MACROD2: variants seen among roughly 807,000 people sequenced by gnomAD.
MACROD2 encodes the protein mono-ADP ribosylhydrolase 2, also known as ADP-ribose glycohydrolase MACROD2.
A neutral mutation model predicts 70.4 loss-of-function variants in MACROD2; 36 were observed. The ratio of observed to expected loss-of-function variants is 0.51; its 90% CI spans 0.39 to 0.68. MACROD2 has a LOEUF of 0.68. MACROD2 is among the 30% of genes least tolerant of loss of function. MACROD2 has a pLI of 0.00. For missense variants in MACROD2, 496 were observed against 538.4 expected (o/e 0.92, Z 0.78); for synonymous variants, 172 against 178.8 (o/e 0.96, Z 0.30).
chr20:15,120,053 G>A (rs1031705745), intron 5 of MACROD2, among the ~76,000 whole-genome samples: 2 of 152,144 alleles, frequency 1.3e-5, no homozygotes, highest in African/African-American at 4.8e-5. Context: ...ATCAGTAAAC[G>A]CTAATAAAGT....
At chr20:14,499,594 C>G (rs1315759991) in intron 4 of MACROD2, among the ~76,000 whole-genome samples, 3 of 152,000 alleles carry the variant, frequency 2.0e-5, no homozygotes, top group African/African-American at 7.2e-5. Flanking sequence ...GGCGGATAAG[C>G]CTGCTAAAGG....
intron 15 of MACROD2, 149 bp from the exon 16 acceptor site, chr20:16,041,052 G>C (rs1467190597): frequency 2.9e-6 from 2 of 685,326 alleles, no homozygotes; most frequent in South Asian, 3.7e-5. Flanking sequence ...TCAACCCTCT[G>C]TTTCCTCTTT....
intron 5 of MACROD2, among the ~76,000 whole-genome samples, chr20:15,082,396 A>G (rs140099422): frequency 6.6e-6 from 1 of 152,256 alleles, no homozygotes; most frequent in East Asian, 1.9e-4. Flanking sequence ...AAAAGATAAT[A>G]TAGAATGGAT....
At chr20:14,776,846 G>A (rs1263558725) in intron 5 of MACROD2, among the ~76,000 whole-genome samples, 1 of 151,964 alleles carries the variant, frequency 6.6e-6, no homozygotes, top group Non-Finnish European at 1.5e-5. Context: ...CCGCAATGAA[G>A]TGTACCTTGG....
intron 15 of MACROD2, among the ~76,000 whole-genome samples, chr20:16,001,416 T>C (rs2066707086): frequency 6.6e-6 from 1 of 152,224 alleles, no homozygotes; most frequent in Admixed American, 6.5e-5. Context: ...AGCAAGGGGT[T>C]TGGATTGATT....
At chr20:15,232,585 G>T (rs1377099632) in intron 6 of MACROD2, among the ~76,000 whole-genome samples, 1 of 151,990 alleles carries the variant, frequency 6.6e-6, no homozygotes, top group Non-Finnish European at 1.5e-5. Context: ...ATAATTGGAG[G>T]AATGGAATTC....
intron 3 of MACROD2, among the ~76,000 whole-genome samples, chr20:14,412,880 G>C (rs909219553): frequency 1.3e-5 from 2 of 152,214 alleles, no homozygotes; most frequent in Non-Finnish European, 2.9e-5. Flanking sequence ...GAAAAGTCCA[G>C]TGAAGGAGAA....
chr20:15,480,662 A>G (rs983781281), intron 7 of MACROD2, among the ~76,000 whole-genome samples: 24 of 152,006 alleles, frequency 1.6e-4, no homozygotes, highest in Admixed American at 1.6e-3. Context: ...TACCAGGAGG[A>G]TGGGACATTG....
chr20:14,350,319 T>C (rs1429919908), intron 3 of MACROD2, among the ~76,000 whole-genome samples: 1 of 152,098 alleles, frequency 6.6e-6, no homozygotes, highest in Admixed American at 6.6e-5. Context: ...TTCTCCGTAG[T>C]GGTTGTACTA....
chr20:15,883,206 T>C (rs2064779947), intron 9 of MACROD2, among the ~76,000 whole-genome samples: 1 of 152,064 alleles, frequency 6.6e-6, no homozygotes, highest in Admixed American at 6.6e-5. Context: ...TCTTCCTTTA[T>C]TTTTCCCCAG....
At chr20:15,145,842 G>C (rs1233401628) in intron 5 of MACROD2, among the ~76,000 whole-genome samples, 2 of 151,922 alleles carry the variant, frequency 1.3e-5, no homozygotes, top group Non-Finnish European at 2.9e-5. Flanking sequence ...TCATTAAGTG[G>C]GTTTTAAGTA....
At chr20:15,174,580 C>G (rs909710587) in intron 5 of MACROD2, among the ~76,000 whole-genome samples, 13 of 152,094 alleles carry the variant, frequency 8.5e-5, no homozygotes, top group African/African-American at 3.1e-4. Context: ...AATCGCCACA[C>G]TGACTTCCAC....
chr20:15,539,093 G>T (rs1435291336), intron 8 of MACROD2, among the ~76,000 whole-genome samples: 1 of 151,880 alleles, frequency 6.6e-6, no homozygotes, highest in Non-Finnish European at 1.5e-5. Flanking sequence ...TTTTTTCTGA[G>T]TACGTAACTC....
At position 14,938,940 on chromosome 20, in the gene MACROD2, A is replaced by ATTTTTTTTTTTTTTTTT. The variant is rs1230863391; in HGVS notation, c.418+253987_418+254003dup. 3.9e-4 allele frequency among the ~76,000 whole-genome samples: 34 copies of ATTTTTTTTTTTTTTTTT among 86,456 alleles called. 1 individual carries two copies. Among genetic ancestry groups the ATTTTTTTTTTTTTTTTT allele is most frequent in the African/African-American group, 9.2e-4 (22 of 23,836 alleles). 56.7% of individuals were successfully genotyped at this position (86,456 alleles called of 152,430 possible). ...GATATTTTTTTCATTGTTAAATCAGATTTTTTTTTTTTTTTTTTTTTTACT... is the reference window on the plus strand; with the variant it reads ...GATATTTTTTTCATTGTTAAATCAGATTTTTTTTTTTTTTTTTTTTTTTTTTTTTTTTTTTTTTTACT... On this transcript the variant is annotated intron_variant, in intron 5 of 17. Coordinates refer to ENST00000684519, the MANE Select transcript of MACROD2 (RefSeq NM_001351661.2).
At chr20:15,801,503 G>A (rs967650219) in intron 8 of MACROD2, among the ~76,000 whole-genome samples, 36 of 151,330 alleles carry the variant, frequency 2.4e-4, no homozygotes, top group Non-Finnish European at 4.6e-4. Flanking sequence ...AAGAAAATCA[G>A]TTGGCTGAAA....
chr20:14,172,573 G>A (rs187239722), intron 3 of MACROD2, among the ~76,000 whole-genome samples: 2 of 152,236 alleles, frequency 1.3e-5, no homozygotes, highest in African/African-American at 4.8e-5. Flanking sequence ...CCAAAATGCT[G>A]GGATTATAGG....
At chr20:14,092,804 A>C (rs1050039611) in intron 3 of MACROD2, among the ~76,000 whole-genome samples, 1 of 152,160 alleles carries the variant, frequency 6.6e-6, no homozygotes, top group Non-Finnish European at 1.5e-5. Flanking sequence ...TAGCTATGGT[A>C]TTTATTTTTG....
At chr20:15,263,699 C>A (rs1433652832) in intron 6 of MACROD2, among the ~76,000 whole-genome samples, 2 of 152,000 alleles carry the variant, frequency 1.3e-5, no homozygotes, top group Admixed American at 6.6e-5. Flanking sequence ...GTGTCCTCTT[C>A]AATTTTCTGC....
chr20:15,756,340 GGAGAGT>G (rs1448190917), intron 8 of MACROD2, among the ~76,000 whole-genome samples: 3 of 152,134 alleles, frequency 2.0e-5, no homozygotes, highest in African/African-American at 4.8e-5. Flanking sequence ...AAGCACATTA[GGAGAGT>G]GTTTTATAAT....
Sources: gnomAD v4.1 joint callset for allele counts (sites outside exome capture counted in the v4.1 genomes callset) on GRCh38, gnomAD v4.1.1 for gene constraint, MANE v1.5 for transcripts, NCBI Gene and HGNC (gene_info 2026-07-23, HGNC 2026-07-21) for gene names.